Variants in FBLIM1 observed in about 807,000 individuals in gnomAD.
FBLIM1 encodes the protein filamin binding LIM protein 1.
A neutral mutation model predicts 37.4 loss-of-function variants in FBLIM1; 29 were observed. That is an observed-to-expected ratio of 0.77 (90% CI 0.58 to 1.06). The LOEUF is 1.06. Ranked by LOEUF, FBLIM1 falls within the 50% of genes least tolerant of loss-of-function variation. The pLI is 0.00. For synonymous variants in FBLIM1, 193 were observed against 199.0 expected (o/e 0.97, Z 0.25); for missense variants, 449 against 505.6 (o/e 0.89, Z 1.07).
intron 6 of FBLIM1, among the ~76,000 whole-genome samples, chr1:15,771,480 C>G (rs1449580584): frequency 6.6e-6 from 1 of 151,830 alleles, no homozygotes. Context: ...CTCCTGACCT[C>G]AAGGAATCCA....
intron 6 of FBLIM1, among the ~76,000 whole-genome samples, chr1:15,773,891 C>T (rs1160904606): frequency 6.6e-6 from 1 of 151,990 alleles, no homozygotes; most frequent in East Asian, 1.9e-4. Context: ...GCCTGTAATC[C>T]CAGCACTTTG....
At chr1:15,784,500 G>T in intron 8 of FBLIM1, 48 bp from the exon 9 acceptor site, 1 of 1,501,418 alleles carries the variant, frequency 6.7e-7, no homozygotes. Flanking sequence ...CCCTGTGCAG[G>T]CAGCGCCCAG....
chr1:15,771,247 TTG>T (rs1385841494), intron 6 of FBLIM1, among the ~76,000 whole-genome samples: 12 of 96,546 alleles, frequency 1.2e-4, no homozygotes, highest in African/African-American at 3.5e-4. Flanking sequence ...CTGTTTTTTT[TTG>T]TTTTTTTTTT....
intron 1 of FBLIM1, among the ~76,000 whole-genome samples, chr1:15,759,605 CCTT>C (rs1031404175): frequency 2.0e-5 from 3 of 152,228 alleles, no homozygotes; most frequent in East Asian, 1.9e-4. Flanking sequence ...AACCAGCTGT[CCTT>C]CTCTTTGCAC....
chr1:15,784,527 C>T, intron 8 of FBLIM1, 21 bp from the exon 9 acceptor site: 1 of 1,605,920 alleles, frequency 6.2e-7, no homozygotes, highest in Non-Finnish European at 8.5e-7. Flanking sequence ...GGCGGGTCAG[C>T]ATGTGTCTTT....
intron 8 of FBLIM1, among the ~76,000 whole-genome samples, chr1:15,783,317 G>T (rs1057266843): frequency 2.6e-5 from 4 of 152,084 alleles, no homozygotes; most frequent in African/African-American, 9.7e-5. Context: ...GTTTGTGCTG[G>T]TGTTGAAGCT....
At position 15,777,097 on chromosome 1, in the gene FBLIM1, G is replaced by A. The variant is rs565012501; in HGVS notation, c.891-73G>A. The A allele has an allele frequency of 3.8e-4, 469 of 1,241,678 alleles. 10 individuals are homozygous for A. The South Asian group carries it at 5.9e-3, about 16-fold the overall frequency. 76.9% of individuals were successfully genotyped at this position (1,241,678 alleles called of 1,614,324 possible). A position where few individuals can be genotyped will look rare whatever the true frequency, so the allele number is the denominator to read the frequency against. The stretch of plus-strand genomic sequence containing the variant: ...TCAGGAGGTGAACACCAGCCAGCCC[G>A]AGTTCTGACAGCTAATTAATTTCTG... On this transcript the variant is annotated intron_variant, in intron 7 of 8. Transcript: ENST00000375766.
intron 8 of FBLIM1, among the ~76,000 whole-genome samples, chr1:15,780,069 G>A (rs958226980): frequency 6.6e-6 from 1 of 151,414 alleles, no homozygotes; most frequent in Non-Finnish European, 1.5e-5. Flanking sequence ...TAAAATTTTT[G>A]TAGAGTTGAC....
chr1:15,758,764 G>GGGCGGAGGGGACGGGAGGCCC (rs2068516582), upstream of FBLIM1: 1 of 151,854 alleles, frequency 6.6e-6, no homozygotes. This position sits in a 1 kb window ranked among gnomAD's most constrained non-coding sequence, Gnocchi z 6.2. Flanking sequence ...GAGGGCGGAC[G>GGGCGGAGGGGACGGGAGGCCC]GGCGGAGGGG....
At chr1:15,773,505 C>T (rs187992928) in intron 6 of FBLIM1, among the ~76,000 whole-genome samples, 312 of 148,994 alleles carry the variant, frequency 2.1e-3, no homozygotes, top group Admixed American at 3.5e-3. Flanking sequence ...ATGGAGAAAC[C>T]CCGTCTCTAC....
chr1:15,767,352 G>A, intron 3 of FBLIM1, 24 bp from the exon 4 acceptor site: 1 of 1,543,490 alleles, frequency 6.5e-7, no homozygotes, highest in Non-Finnish European at 8.7e-7. Context: ...GCTCTGACCA[G>A]CCCTCTCTCC....
intron 8 of FBLIM1, among the ~76,000 whole-genome samples, chr1:15,781,860 A>C (rs1362135649): frequency 7.1e-6 from 1 of 140,892 alleles, no homozygotes; most frequent in Non-Finnish European, 1.5e-5. Context: ...CTGGGACCAC[A>C]GGCGCCTGCC....
At chr1:15,768,094 G>A (rs2069014163) in intron 4 of FBLIM1, among the ~76,000 whole-genome samples, 1 of 152,146 alleles carries the variant, frequency 6.6e-6, no homozygotes, top group Non-Finnish European at 1.5e-5. Context: ...TGTTGGTCAG[G>A]CTGGTCTCAG....
At chr1:15,776,857 A>C (rs1166780125) in intron 7 of FBLIM1, among the ~76,000 whole-genome samples, 4 of 137,356 alleles carry the variant, frequency 2.9e-5, no homozygotes, top group African/African-American at 8.2e-5. Flanking sequence ...AGCAAAAAAA[A>C]CTCCATCTCA....
intron 4 of FBLIM1, 114 bp from the exon 5 acceptor site, chr1:15,768,414 G>T (rs2069031344): frequency 1.5e-6 from 1 of 646,452 alleles, no homozygotes. Context: ...CTGGGCCTTG[G>T]TTTCCTTCTC....
intron 5 of FBLIM1, among the ~76,000 whole-genome samples, chr1:15,769,582 C>A (rs1333893023): frequency 2.0e-5 from 3 of 152,152 alleles, no homozygotes; most frequent in African/African-American, 4.8e-5. Context: ...AGGCAGCCAA[C>A]AATCCCTTTG....
Position 15,774,507 on chromosome 1 carries a change from C to T in FBLIM1, c.712-111C>T. 2.8e-6 allele frequency: 4 copies of T among 1,415,684 alleles called. No homozygotes were observed. In the South Asian group the frequency reaches 5.6e-5, roughly 20 times the overall value. The allele number at this position is 1,415,684 out of a possible 1,614,324, so 87.7% of individuals were successfully genotyped here. ...AGTTACAGGTTGTCTGCAGGCCTCT[C>T]CTGTACTTCCCAGTTCCTGGGCCCC... On this transcript the variant is annotated intron_variant, in intron 6 of 8. Transcript: ENST00000375766.
At chr1:15,756,710 G>C, upstream of FBLIM1, 1 of 153,168 alleles carries the variant, frequency 6.5e-6, no homozygotes, top group Non-Finnish European at 1.5e-5. Context: ...GGTGGAACAG[G>C]TGGCCTGGGG....
chr1:15,781,303 A>G (rs2069629043), intron 8 of FBLIM1, among the ~76,000 whole-genome samples: 1 of 151,984 alleles, frequency 6.6e-6, no homozygotes, highest in Admixed American at 6.6e-5. Flanking sequence ...GGTTGCAGTG[A>G]GCCGAGATTG....
Sources: gnomAD v4.1 joint callset for allele counts (sites outside exome capture counted in the v4.1 genomes callset) on GRCh38, gnomAD v4.1.1 for gene constraint, Gnocchi (gnomAD v3.1) non-coding constraint, MANE v1.5 for transcripts, NCBI Gene and HGNC (gene_info 2026-07-23, HGNC 2026-07-21) for gene names.